NUDT5: variants seen among roughly 807,000 people sequenced by gnomAD.
NUDT5 encodes the protein ADP-sugar pyrophosphatase.
In NUDT5, 21 loss-of-function variants were observed where a neutral mutation model predicts 34.1. That is an observed-to-expected ratio of 0.62 (90% CI 0.44 to 0.89). NUDT5 has a LOEUF of 0.89. Among genes scored for constraint, NUDT5 ranks in the 40% least tolerant of loss-of-function variants. The pLI, the probability that NUDT5 is intolerant of heterozygous loss-of-function variation, is 0.00. For missense variants in NUDT5, 249 were observed against 274.8 expected (o/e 0.91, Z 0.66); for synonymous variants, 85 against 97.6 (o/e 0.87, Z 0.76).
In NUDT5 at chr10:12,181,930, G is replaced by A. The variant is rs894434483; in HGVS notation, c.132-2798C>T. Among the ~76,000 whole-genome samples the A allele has an allele frequency of 2.0e-5, 3 of 152,144 alleles. No homozygotes were observed. The highest frequency in any genetic ancestry group is 4.4e-5 in the Non-Finnish European group (3 of 68,018). On this transcript the variant is annotated intron_variant, in intron 3 of 9. Transcript: ENST00000491614. The surrounding 1 kb of genome is among the most constrained non-coding windows in gnomAD (Gnocchi z 5.0). ...AAGGTGGGTGGATCACCTGAGGTCA[G>A]GAGTTTCAGACCATCCTGGCCAACA...
intron 1 of NUDT5, among the ~76,000 whole-genome samples, 191 bp downstream of exon 1, chr10:12,195,579 G>A (rs964789341): frequency 3.9e-5 from 6 of 152,174 alleles, no homozygotes; most frequent in African/African-American, 2.4e-5. Context: ...GAGTAGCCCA[G>A]GCTCTTCCTC....
In NUDT5 at chr10:12,193,784, T is replaced by C. The variant is rs569040515; in HGVS notation, c.-42+1986A>G. 3.9e-5 allele frequency among the ~76,000 whole-genome samples: 6 copies of C among 152,300 alleles called. 1 individual carries two copies. The highest frequency in any genetic ancestry group is 1.2e-4 in the African/African-American group (5 of 41,562). ...AAATTCCTTCCCTGTAGTATCTATA[T>C]ATTTAAGCTTACAAACTTAGCTGCT... On this transcript the variant is annotated intron_variant, in intron 1 of 9. Transcript: ENST00000491614.
Position 12,171,482 on chromosome 10 carries a change from T to G in NUDT5, c.488-574A>C, listed in dbSNP as rs1159073347. Among the ~76,000 whole-genome samples the G allele has an allele frequency of 6.6e-6, 1 of 152,222 alleles. No homozygotes were observed. Among genetic ancestry groups the G allele is most frequent in the East Asian group, 1.9e-4 (1 of 5,204 alleles). On this transcript the variant is annotated intron_variant, in intron 7 of 9. Transcript: ENST00000491614. This position sits in a 1 kb window ranked among gnomAD's most constrained non-coding sequence, Gnocchi z 4.2. ...ACACTTTGTGGATGCATTCATCTGC[T>G]GGCAGACACCTGGGTTGTTTCCACA...
rs1834647849 is a variant in NUDT5, at chr10:12,165,473, A to G, written c.*2229T>C. The G allele has an allele frequency of 1.8e-6, 1 of 551,582 alleles. No homozygotes were observed. The highest frequency in any genetic ancestry group is 8.0e-5 in the South Asian group (1 of 12,570). The allele number at this position is 551,582 out of a possible 1,614,324, so 34.2% of individuals were successfully genotyped here. On this transcript the variant is annotated 3_prime_UTR_variant, in exon 10 of 10. Coordinates refer to ENST00000491614, the MANE Select transcript of NUDT5 (RefSeq NM_014142.4). Reference sequence around the variant, plus strand: ...AGAAGTCCACCCTGAGATGCCTGTAAAAGTCAAATGTAATTACACTTCAAA... The same window carrying G: ...AGAAGTCCACCCTGAGATGCCTGTAGAAGTCAAATGTAATTACACTTCAAA...
At chr10:12,189,563 C>T (rs60857448) in intron 1 of NUDT5, among the ~76,000 whole-genome samples, 23,144 of 152,132 alleles carry the variant, frequency 0.15, 1,980 homozygotes, top group East Asian at 0.23. Context: ...GTAAAAGTAC[C>T]TCAGAAATTT....
In NUDT5 at chr10:12,172,817, T is replaced by G. The variant is rs1418101624; in HGVS notation, c.435A>C (p.Thr145=). 1 of 1,614,238 alleles carries G rather than the reference T, an allele frequency of 6.2e-7. No homozygotes were observed. The highest frequency in any genetic ancestry group is 1.7e-5 in the Admixed American group (1 of 60,034). Residue 145 remains threonine (T), a synonymous_variant, in exon 7 of 10, where the codon ACA becomes ACC. Transcript: ENST00000491614. ...GLSNCTIHIV[T]VTINGDDAEN... is the part of the protein sequence containing the mutation. Reference sequence around the variant, plus strand: ...CGGCATCATCTCCGTTAATGGTGACTGTCACGATGTGTATAGTACAGTTTG... The same window carrying G: ...CGGCATCATCTCCGTTAATGGTGACGGTCACGATGTGTATAGTACAGTTTG...
intron 6 of NUDT5, 75 bp from the exon 7 acceptor site, chr10:12,172,941 C>T (rs536419577): frequency 1.0e-5 from 11 of 1,050,536 alleles, no homozygotes; most frequent in Admixed American, 9.6e-5. Context: ...GAAGAAGATG[C>T]GTCCCGCAGC....
rs1834890293 is a variant in NUDT5, at chr10:12,173,250, T to C, written c.386-384A>G. On this transcript the variant is annotated intron_variant, in intron 6 of 9. Transcript: ENST00000491614. The surrounding 1 kb of genome is among the most constrained non-coding windows in gnomAD (Gnocchi z 4.7). ...GAGACAGAGTTTCACTTTGCTCTTATTGCCCAGGATGGAGTGCACTGGCGT... is the reference window on the plus strand; with the variant it reads ...GAGACAGAGTTTCACTTTGCTCTTACTGCCCAGGATGGAGTGCACTGGCGT... Among the ~76,000 whole-genome samples the C allele has an allele frequency of 6.6e-6, 1 of 152,224 alleles. No individual in the cohort carries two copies. Among genetic ancestry groups the C allele is most frequent in the Admixed American group, 6.5e-5 (1 of 15,284 alleles).
In NUDT5 at chr10:12,175,227, G is replaced by C. The variant is rs1159817304; in HGVS notation, c.290-1414C>G. Among the ~76,000 whole-genome samples the C allele has an allele frequency of 1.3e-5, 2 of 152,192 alleles. No homozygotes were observed. The highest frequency in any genetic ancestry group is 4.8e-5 in the African/African-American group (2 of 41,440). On this transcript the variant is annotated intron_variant, in intron 5 of 9. Coordinates refer to ENST00000491614, the MANE Select transcript of NUDT5 (RefSeq NM_014142.4). The surrounding 1 kb of genome is among the most constrained non-coding windows in gnomAD (Gnocchi z 4.8). ...TCCAGCTACGCGGGAGGCTGAGGCA[G>C]GAGAATCGCTTGACCCTGTTAGGCG...
chr10:12,195,391 G>C (rs1215235682), intron 1 of NUDT5, among the ~76,000 whole-genome samples: 1 of 152,178 alleles, frequency 6.6e-6, no homozygotes, highest in African/African-American at 2.4e-5. Flanking sequence ...GCTCCAAGGA[G>C]ACTCCTCTTT....
chr10:12,189,121 T>C (rs1374872218), intron 1 of NUDT5, among the ~76,000 whole-genome samples: 1 of 152,258 alleles, frequency 6.6e-6, no homozygotes, highest in Non-Finnish European at 1.5e-5. Flanking sequence ...AACTTTTTTT[T>C]TTGAGATGGA....
In NUDT5 at chr10:12,172,836, C is replaced by A; in HGVS notation, c.416G>T (p.Cys139Phe). The A allele has an allele frequency of 6.2e-7, 1 of 1,614,206 alleles. No homozygotes were observed. The highest frequency in any genetic ancestry group is 2.2e-5 in the East Asian group (1 of 44,882). Residue 139 changes from cysteine to phenylalanine, a missense_variant, in exon 7 of 10, where the codon TGT (cysteine) becomes TTT (phenylalanine). By Grantham distance (205) the Cys-to-Phe change is radical (BLOSUM62 -2). Transcript: ENST00000491614. ...AVCMDPGLSN[C>F]TIHIVTVTIN... ...GGTGACTGTCACGATGTGTATAGTA[C>A]AGTTTGACAAGCCTGGGTCCATACA...
chr10:12,192,218 C>A (rs368754257), intron 1 of NUDT5, among the ~76,000 whole-genome samples: 1 of 151,676 alleles, frequency 6.6e-6, no homozygotes, highest in African/African-American at 2.4e-5. Context: ...GCAGGAGAAT[C>A]GCTTGAACGA....
intron 5 of NUDT5, among the ~76,000 whole-genome samples, chr10:12,174,114 C>T (rs770327528): frequency 6.6e-6 from 1 of 152,156 alleles, no homozygotes; most frequent in Non-Finnish European, 1.5e-5. Context: ...GATCCACCCA[C>T]GTCAGCCTCC....
chr10:12,191,704 T>C (rs1005766159), intron 1 of NUDT5, among the ~76,000 whole-genome samples: 7 of 152,122 alleles, frequency 4.6e-5, no homozygotes, highest in Non-Finnish European at 1.0e-4. Context: ...CTAGGAAACA[T>C]AGTGAGATCC....
chr10:12,181,410 G>A lies in NUDT5; in HGVS notation c.132-2278C>T, dbSNP rs963414087. On this transcript the variant is annotated intron_variant, in intron 3 of 9. Transcript: ENST00000491614. This position sits in a 1 kb window ranked among gnomAD's most constrained non-coding sequence, Gnocchi z 5.0. ...AGGTTGAGTATTCCTTACCCGAAACGAGGGGCCGGAAGTGTTTCAGAGTTT... is the reference window on the plus strand; with the variant it reads ...AGGTTGAGTATTCCTTACCCGAAACAAGGGGCCGGAAGTGTTTCAGAGTTT... 4.6e-5 allele frequency among the ~76,000 whole-genome samples: 7 copies of A among 152,172 alleles called. No homozygotes were observed. Among genetic ancestry groups the A allele is most frequent in the African/African-American group, 1.2e-4 (5 of 41,438 alleles).
intron 6 of NUDT5, 112 bp from the exon 7 acceptor site, chr10:12,172,978 GA>G (rs1289826359): frequency 1.4e-5 from 10 of 733,152 alleles, no homozygotes; most frequent in East Asian, 8.1e-5. Flanking sequence ...GGTGATGCGG[GA>G]AAACTAGTTC....
rs3758378 is a variant in NUDT5, at chr10:12,194,228, T to C, written c.-42+1542A>G. On this transcript the variant is annotated intron_variant, in intron 1 of 9. Coordinates refer to ENST00000491614, the MANE Select transcript of NUDT5 (RefSeq NM_014142.4). ...AGTACTGCTCCTCGCAGAAGGGCTATGTTCCCGGGATCTATTCTCTTCCGT... is the reference window on the plus strand; with the variant it reads ...AGTACTGCTCCTCGCAGAAGGGCTACGTTCCCGGGATCTATTCTCTTCCGT... 3.4e-4 allele frequency among the ~76,000 whole-genome samples: 52 copies of C among 152,390 alleles called. No homozygotes were observed. The East Asian group carries it at 7.3e-3, about 21-fold the overall frequency.
chr10:12,177,920 C>G lies in NUDT5; in HGVS notation c.182-20G>C. 4 of 1,583,500 alleles carry G rather than the reference C, an allele frequency of 2.5e-6. No homozygotes were observed. The highest frequency in any genetic ancestry group is 3.5e-6 in the Non-Finnish European group (4 of 1,152,554). ...CGACACCTGTCACCAGGAAATGGAA[C>G]CAAGGAAATCCCTAATGAGAGGTCA... On this transcript the variant is annotated intron_variant, in intron 4 of 9. Transcript: ENST00000491614.
Sources: allele counts gnomAD v4.1 joint callset (sites outside exome capture counted in the v4.1 genomes callset), GRCh38; gene constraint gnomAD v4.1.1; non-coding constraint Gnocchi (gnomAD v3.1); transcripts MANE v1.5; gene names NCBI Gene and HGNC (gene_info 2026-07-23, HGNC 2026-07-21).